TMEM272: variants seen among roughly 807,000 people sequenced by gnomAD.
The protein encoded by TMEM272 is long intergenic non-protein coding RNA 282.
A neutral mutation model predicts 3.7 loss-of-function variants in TMEM272; 8 were observed. That is an observed-to-expected ratio of 2.17 (90% CI 1.27 to 3.91). The LOEUF is 3.91. TMEM272 is among the 30% of genes most tolerant of loss of function. The probability of loss-of-function intolerance (pLI) is 0.00; values close to 1 mark genes in which losing one functional copy is unlikely to be tolerated. For missense variants in TMEM272, 166 were observed against 91.5 expected (o/e 1.81, Z -3.32); for synonymous variants, 63 against 39.8 (o/e 1.58, Z -2.20).
At chr13:51,834,335 C>T (rs1956197392) in intron 2 of TMEM272, among the ~76,000 whole-genome samples, 1 of 152,214 alleles carries the variant, frequency 6.6e-6, no homozygotes, top group Non-Finnish European at 1.5e-5. Flanking sequence ...AGAGCAGGAG[C>T]ACACCCTGCC....
chr13:51,926,906 A>G, the TMEM272 span, among the ~76,000 whole-genome samples: 1 of 152,192 alleles, frequency 6.6e-6, no homozygotes, highest in Admixed American at 6.5e-5. Context: ...AAATAATAAA[A>G]CAAACATATA....
At chr13:51,880,843 G>A in the TMEM272 span, among the ~76,000 whole-genome samples, 1 of 152,216 alleles carries the variant, frequency 6.6e-6, no homozygotes, top group Non-Finnish European at 1.5e-5. Context: ...TGGGTTCAGT[G>A]TATACTGCTC....
At chr13:51,894,210 G>A in the TMEM272 span, among the ~76,000 whole-genome samples, 2 of 152,232 alleles carry the variant, frequency 1.3e-5, no homozygotes, top group Non-Finnish European at 2.9e-5. Context: ...TGAAAGGACA[G>A]GGACAGAAGT....
chr13:51,838,024 T>G (rs937796188), intron 2 of TMEM272, among the ~76,000 whole-genome samples: 1 of 152,180 alleles, frequency 6.6e-6, no homozygotes, highest in African/African-American at 2.4e-5. Context: ...CTGGGTCTTC[T>G]GTAATATGGT....
the TMEM272 span, chr13:51,910,271 A>C: frequency 7.0e-7 from 1 of 1,424,008 alleles, no homozygotes; most frequent in Non-Finnish European, 9.9e-7. Flanking sequence ...CCTCCTTCTC[A>C]AAGCTGGCAT....
At chr13:51,828,384 G>T (rs1045332723) in intron 2 of TMEM272, among the ~76,000 whole-genome samples, 2 of 152,182 alleles carry the variant, frequency 1.3e-5, no homozygotes, top group Non-Finnish European at 2.9e-5. Context: ...CCAAACGCCA[G>T]CTCTGATCTT....
chr13:51,926,040 T>A, the TMEM272 span, among the ~76,000 whole-genome samples: 1 of 152,024 alleles, frequency 6.6e-6, no homozygotes, highest in Non-Finnish European at 1.5e-5. Context: ...ATGTGGTATG[T>A]GGTGTGTGCA....
intron 2 of TMEM272, among the ~76,000 whole-genome samples, chr13:51,837,279 T>A (rs1956223826): frequency 6.6e-6 from 1 of 152,148 alleles, no homozygotes; most frequent in Non-Finnish European, 1.5e-5. Flanking sequence ...ACAGGTAGGA[T>A]GTGTGTTGGG....
the TMEM272 span, among the ~76,000 whole-genome samples, chr13:51,901,435 G>A: frequency 1.1e-4 from 8 of 75,538 alleles, no homozygotes; most frequent in South Asian, 4.6e-3. Context: ...TGCCCCACCC[G>A]CCCTCCCATG....
chr13:51,817,213 G>C (rs1435721571), intron 4 of TMEM272, 100 bp from the exon 5 acceptor site: 2 of 608,560 alleles, frequency 3.3e-6, no homozygotes, highest in Middle Eastern at 2.6e-4. Context: ...GGCAGGGAGA[G>C]AGAAAGAGGA....
At chr13:51,851,573 A>G in the TMEM272 span, among the ~76,000 whole-genome samples, 1 of 132,864 alleles carries the variant, frequency 7.5e-6, no homozygotes, top group African/African-American at 3.1e-5. Flanking sequence ...TACCCAGGCT[A>G]GAGTGCAGTG....
chr13:51,836,575 G>A (rs570005210), intron 2 of TMEM272, among the ~76,000 whole-genome samples: 4 of 152,250 alleles, frequency 2.6e-5, no homozygotes, highest in South Asian at 2.1e-4. Context: ...CATAGGTGAC[G>A]GCCACCTGTC....
chr13:51,864,280 T>C, the TMEM272 span, among the ~76,000 whole-genome samples: 10 of 152,242 alleles, frequency 6.6e-5, no homozygotes, highest in East Asian at 1.9e-3. Context: ...AGAGTCCTGC[T>C]AGCACTGCAG....
At chr13:51,834,717 C>T (rs1205186265) in intron 2 of TMEM272, among the ~76,000 whole-genome samples, 1 of 152,130 alleles carries the variant, frequency 6.6e-6, no homozygotes, top group African/African-American at 2.4e-5. Flanking sequence ...CTTTGCTGGG[C>T]CCTTCTCTGC....
chr13:51,816,654 TG>T lies in TMEM272; in HGVS notation c.*96del. The stretch of plus-strand genomic sequence containing the variant: ...TTACCTTTATGCCCTTCTCTGAACC[TG>T]TGTGTGTGTGTGTGTGTGTGTGCGT... On this transcript the variant is annotated 3_prime_UTR_variant, in exon 5 of 5. Coordinates refer to ENST00000629372, the MANE Select transcript of TMEM272 (RefSeq NM_001351003.2). The T allele has an allele frequency of 5.8e-6, 1 of 171,698 alleles. No individual in the cohort carries two copies. Among genetic ancestry groups the T allele is most frequent in the Non-Finnish European group, 1.1e-5 (1 of 87,700 alleles). The allele number at this position is 171,698 out of a possible 1,614,324, so 10.6% of individuals were successfully genotyped here.
the TMEM272 span, among the ~76,000 whole-genome samples, chr13:51,922,247 A>G: frequency 1.3e-5 from 2 of 152,172 alleles, no homozygotes; most frequent in African/African-American, 2.4e-5. Flanking sequence ...AAACACAGGA[A>G]GGGTCATCTC....
chr13:51,826,391 T>C (rs1320071225), intron 3 of TMEM272, among the ~76,000 whole-genome samples, 175 bp downstream of exon 3: 1 of 152,154 alleles, frequency 6.6e-6, no homozygotes, highest in Non-Finnish European at 1.5e-5. Context: ...GGCCCAGGAA[T>C]GTGTATTTTT....
At chr13:51,923,376 T>C in the TMEM272 span, among the ~76,000 whole-genome samples, 1,067 of 152,276 alleles carry the variant, frequency 7.0e-3, 12 homozygotes, top group African/African-American at 0.023. Flanking sequence ...CAGGCTTCAC[T>C]GCCACCACCA....
intron 2 of TMEM272, among the ~76,000 whole-genome samples, chr13:51,828,453 C>T (rs1566342635): frequency 6.6e-6 from 1 of 152,150 alleles, no homozygotes; most frequent in African/African-American, 2.4e-5. Context: ...CAAAGAGACC[C>T]GAGAAGTTGC....
Sources: allele counts gnomAD v4.1 joint callset (sites outside exome capture counted in the v4.1 genomes callset), GRCh38; gene constraint gnomAD v4.1.1; transcripts MANE v1.5; gene names NCBI Gene and HGNC (gene_info 2026-07-23, HGNC 2026-07-21).